The following MYH3 variants were observed in gnomAD, a reference collection of about 807,000 sequenced individuals.
The protein encoded by MYH3 is myosin heavy chain 3, also known as myosin-3.
MYH3 carries 130 observed loss-of-function variants against 238.0 expected under a neutral mutation model. That is an observed-to-expected ratio of 0.55 (90% CI 0.47 to 0.63). The LOEUF (loss-of-function observed/expected upper bound fraction) is 0.63, where lower values mean the gene tolerates loss of function less well. Ranked by LOEUF, MYH3 falls within the 30% of genes least tolerant of loss-of-function variation. The pLI is 0.00. For missense variants in MYH3, 1,853 were observed against 2,374.9 expected, an observed-to-expected ratio of 0.78 and a Z score of 4.57; for synonymous variants, 880 against 924.1, an observed-to-expected ratio of 0.95 and a Z score of 0.86.
intron 33 of MYH3, 107 bp downstream of exon 33, chr17:10,633,484 G>C: frequency 2.8e-6 from 4 of 1,440,356 alleles, no homozygotes; most frequent in Non-Finnish European, 3.9e-6. Context: ...CATTAGGACT[G>C]TGATTTGACA....
intron 28 of MYH3, among the ~76,000 whole-genome samples, 157 bp downstream of exon 28, chr17:10,637,652 A>G (rs971954865): frequency 7.9e-5 from 12 of 152,200 alleles, no homozygotes; most frequent in Admixed American, 6.5e-4. Flanking sequence ...GGCTATTTCA[A>G]ATGGCTCTTT....
chr17:10,648,741 T>TCTTGG, intron 7 of MYH3, 92 bp from the exon 8 acceptor site: 1 of 1,145,156 alleles, frequency 8.7e-7, no homozygotes, highest in Non-Finnish European at 1.3e-6. Context: ...AATGGCACGA[T>TCTTGG]CTTGGCTTAC....
Position 10,654,158 on chromosome 17 carries a change from TTTC to T in MYH3, c.204+700_204+702del, listed in dbSNP as rs2074405421. 1.2e-5 allele frequency among the ~76,000 whole-genome samples: 1 copy of T among 83,728 alleles called. No homozygotes were observed. The highest frequency in any genetic ancestry group is 3.7e-5 in the Non-Finnish European group (1 of 27,232). The allele number at this position is 83,728 out of a possible 152,430, so 54.9% of individuals were successfully genotyped here. A position where few individuals can be genotyped will look rare whatever the true frequency, so the allele number is the denominator to read the frequency against. On this transcript the variant is annotated intron_variant, in intron 3 of 40. Coordinates refer to ENST00000583535, the MANE Select transcript of MYH3 (RefSeq NM_002470.4). This position sits in a 1 kb window ranked among gnomAD's most constrained non-coding sequence, Gnocchi z 4.5. ...TATTTTCTTTCTTTCTTTCTCTTTC[TTTC>T]TTTCCTTCCTTCCTTGCTTTCTTTC...
In MYH3 at chr17:10,630,188, C is replaced by T; in HGVS notation, c.5466G>A (p.Glu1822=). 1 of 1,614,212 alleles carries T rather than the reference C, an allele frequency of 6.2e-7. No individual in the cohort carries two copies. Residue 1822 remains glutamate, a synonymous_variant, in exon 38 of 41, where the codon GAG becomes GAA. Coordinates refer to ENST00000583535, the MANE Select transcript of MYH3 (RefSeq NM_002470.4). ...GCTCTCCCTCAAGTTCAAACTCCAGCTCTCGGATCTGGGGGAGAGGGTGGG... is the reference window on the plus strand; with the variant it reads ...GCTCTCCCTCAAGTTCAAACTCCAGTTCTCGGATCTGGGGGAGAGGGTGGG... ...QIQKLETRIR[E]LEFELEGEQK...
rs761431043 is a variant in MYH3 at position 10,635,858 on chromosome 17, G to T, written c.3857-5C>A. On this transcript the variant is annotated splice_region_variant and splice_polypyrimidine_tract_variant and intron_variant, in intron 28 of 40. Coordinates refer to ENST00000583535, the MANE Select transcript of MYH3 (RefSeq NM_002470.4). ...CCAGCTGACGACTCAGCTCACCTGT[G>T]TCCAGAAGGAAATAGTTTCATTTCA... The T allele has an allele frequency of 1.2e-6, 2 of 1,606,272 alleles. No homozygotes were observed. The highest frequency in any genetic ancestry group is 2.2e-5 in the South Asian group (2 of 90,874).
At chr17:10,660,112 G>A (rs1856131380), upstream of MYH3, among the ~76,000 whole-genome samples, 1 of 152,234 alleles carries the variant, frequency 6.6e-6, no homozygotes, top group African/African-American at 2.4e-5. Context: ...GTGCTTCTTT[G>A]AGCCTTCGTC....
rs780001148 is a variant in MYH3, at chr17:10,643,001, T to TA, written c.1411-6dup. ...CAGCTGCTCCAGGCTGTTATACTAA[T>TA]AAAAAAATACAACATTCATGTGAAA... On this transcript the variant is annotated splice_region_variant and splice_polypyrimidine_tract_variant and intron_variant, in intron 14 of 40. Coordinates refer to ENST00000583535, the MANE Select transcript of MYH3 (RefSeq NM_002470.4). 6.2e-6 allele frequency: 10 copies of TA among 1,614,078 alleles called. No homozygotes were observed. Among genetic ancestry groups the TA allele is most frequent in the Non-Finnish European group, 8.5e-6 (10 of 1,179,980 alleles).
chr17:10,634,226 C>G, intron 31 of MYH3, 44 bp from the exon 32 acceptor site: 1 of 1,609,736 alleles, frequency 6.2e-7, no homozygotes, highest in Non-Finnish European at 8.5e-7. Context: ...GAGCTCTCCT[C>G]TAGGTTTCTA....
intron 12 of MYH3, 134 bp from the exon 13 acceptor site, chr17:10,644,836 C>T: frequency 1.4e-6 from 1 of 737,338 alleles, no homozygotes; most frequent in East Asian, 2.7e-5. Context: ...TATACATGGC[C>T]AATGGAAGCT....
At chr17:10,675,432 T>C in the MYH3 span, 1 of 152,260 alleles carries the variant, frequency 6.6e-6, no homozygotes, top group African/African-American at 2.4e-5. Flanking sequence ...AAGACTGCCT[T>C]TTGCAGGGAC....
intron 40 of MYH3, among the ~76,000 whole-genome samples, chr17:10,628,999 C>A (rs1416436971): frequency 1.3e-5 from 2 of 152,120 alleles, no homozygotes; most frequent in Non-Finnish European, 2.9e-5. Flanking sequence ...CAGTGGGACC[C>A]GCTCGCTCCT....
chr17:10,646,787 C>T (rs992127460), intron 10 of MYH3, among the ~76,000 whole-genome samples: 1 of 152,178 alleles, frequency 6.6e-6, no homozygotes, highest in African/African-American at 2.4e-5. Context: ...GTGGCTCACA[C>T]CTATAATCCC....
At chr17:10,652,213 T>A in intron 4 of MYH3, 1 of 676,652 alleles carries the variant, frequency 1.5e-6, no homozygotes, top group Non-Finnish European at 2.6e-6. Flanking sequence ...GCTCTCCGGC[T>A]CCTGGTCCTC....
chr17:10,649,460 A>G (rs2074354682), intron 7 of MYH3, 117 bp downstream of exon 7: 1 of 857,468 alleles, frequency 1.2e-6, no homozygotes, highest in African/African-American at 1.7e-5. Context: ...AGTAAATCCT[A>G]GCCTGTTCTC....
intron 33 of MYH3, 46 bp downstream of exon 33, chr17:10,633,545 C>A: frequency 6.2e-7 from 1 of 1,608,968 alleles, no homozygotes; most frequent in Admixed American, 1.7e-5. Flanking sequence ...CTGGCCGTGG[C>A]TCACCATGGC....
At chr17:10,651,900 C>T in intron 4 of MYH3, 2 of 525,540 alleles carry the variant, frequency 3.8e-6, no homozygotes, top group Non-Finnish European at 3.2e-6. Context: ...CATGCCATCA[C>T]GCCCGGCTAA....
chr17:10,633,352 A>T (rs1366058744), intron 33 of MYH3, among the ~76,000 whole-genome samples: 1 of 152,258 alleles, frequency 6.6e-6, no homozygotes. Context: ...TAATTCATGT[A>T]ATATTTTGTA....
intron 6 of MYH3, 83 bp from the exon 7 acceptor site, chr17:10,649,768 G>A: frequency 4.0e-6 from 5 of 1,260,254 alleles, no homozygotes; most frequent in Non-Finnish European, 5.8e-6. Flanking sequence ...CTGAGGCCTG[G>A]GCATGGTCTG....
intron 10 of MYH3, 53 bp from the exon 11 acceptor site, chr17:10,646,085 C>T (rs537929712): frequency 1.1e-4 from 157 of 1,493,458 alleles, no homozygotes; most frequent in Middle Eastern, 5.1e-4. Context: ...AAAAAACCCA[C>T]CCAGTGGACT....
Sources: gnomAD v4.1 joint callset for allele counts (sites outside exome capture counted in the v4.1 genomes callset) on GRCh38, gnomAD v4.1.1 for gene constraint, Gnocchi (gnomAD v3.1) non-coding constraint, MANE v1.5 for transcripts, NCBI Gene and HGNC (gene_info 2026-07-23, HGNC 2026-07-21) for gene names.